Variants in IL1RAPL1 observed in about 807,000 individuals in gnomAD.
The protein encoded by IL1RAPL1 is interleukin 1 receptor accessory protein like 1.
IL1RAPL1 carries 3 observed loss-of-function variants against 48.4 expected under a neutral mutation model. The ratio of observed to expected loss-of-function variants is 0.06; its 90% CI spans 0.03 to 0.16. IL1RAPL1 has a LOEUF of 0.16. Among genes scored for constraint, IL1RAPL1 ranks in the 10% least tolerant of loss-of-function variants. IL1RAPL1 has a pLI of 1.00. For missense variants in IL1RAPL1, 349 were observed against 530.6 expected (o/e 0.66, Z 3.36); for synonymous variants, 185 against 187.7 (o/e 0.99, Z 0.12).
chrX:29,752,920 A>G (rs1244966456), intron 6 of IL1RAPL1, among the ~76,000 whole-genome samples: 2 of 112,310 alleles, frequency 1.8e-5, no homozygotes, highest in Non-Finnish European at 3.8e-5. Context: ...AATAAAAACT[A>G]TCAATGTGTC....
At chrX:29,618,360 G>A (rs5972491) in intron 5 of IL1RAPL1, among the ~76,000 whole-genome samples, 40,192 of 110,446 alleles carry the variant, frequency 0.36, 5,666 homozygotes, top group African/African-American at 0.52. Flanking sequence ...AATCCTAGAT[G>A]GATTAGTTTC....
intron 2 of IL1RAPL1, among the ~76,000 whole-genome samples, chrX:28,823,503 C>G (rs778283977): frequency 9.0e-5 from 10 of 110,970 alleles, no homozygotes; most frequent in African/African-American, 3.3e-4. Context: ...TATGATAACT[C>G]TTAGTATATT....
At chrX:29,216,123 G>A (rs1930862232) in intron 2 of IL1RAPL1, among the ~76,000 whole-genome samples, 1 of 111,901 alleles carries the variant, frequency 8.9e-6, no homozygotes, top group Admixed American at 9.5e-5. Context: ...GTTAGTCAAC[G>A]AAATTGGACT....
chrX:28,707,294 T>C (rs1034933869), intron 1 of IL1RAPL1, among the ~76,000 whole-genome samples: 2 of 112,153 alleles, frequency 1.8e-5, no homozygotes, highest in African/African-American at 6.5e-5. Flanking sequence ...GGATGAGAAA[T>C]GGTAAATAAA....
chrX:29,802,597 T>C (rs1002901421), intron 6 of IL1RAPL1, among the ~76,000 whole-genome samples: 6 of 63,708 alleles, frequency 9.4e-5, no homozygotes, highest in Non-Finnish European at 2.1e-4. Context: ...TCACTCTCAG[T>C]TTCTATACTT....
intron 5 of IL1RAPL1, among the ~76,000 whole-genome samples, chrX:29,511,572 AC>A: frequency 8.9e-6 from 1 of 112,008 alleles, no homozygotes; most frequent in Non-Finnish European, 1.9e-5. Context: ...TATATTTCTT[AC>A]CAAGTTTTTG....
At chrX:29,079,371 A>G (rs1303640321) in intron 2 of IL1RAPL1, among the ~76,000 whole-genome samples, 1 of 111,602 alleles carries the variant, frequency 9.0e-6, no homozygotes, top group East Asian at 2.8e-4. Context: ...TCTAACAGGC[A>G]GAGGTAATCA....
intron 5 of IL1RAPL1, among the ~76,000 whole-genome samples, chrX:29,544,783 G>A (rs752816970): frequency 2.8e-5 from 3 of 109,066 alleles, no homozygotes; most frequent in African/African-American, 1.0e-4. Context: ...TTGTGTGATA[G>A]GGTGAATTGT....
chrX:28,811,499 G>A (rs1312737303), intron 2 of IL1RAPL1, among the ~76,000 whole-genome samples: 1 of 110,610 alleles, frequency 9.0e-6, no homozygotes, highest in Non-Finnish European at 1.9e-5. Context: ...TTAGATGGTT[G>A]AATGAAGATG....
chrX:29,002,618 A>G (rs1925882380), intron 2 of IL1RAPL1, among the ~76,000 whole-genome samples: 1 of 111,204 alleles, frequency 9.0e-6, no homozygotes, highest in Non-Finnish European at 1.9e-5. Context: ...GTTTTTACTT[A>G]AGAGTTTTAA....
At position 29,720,297 on chromosome X, in the gene IL1RAPL1, T is replaced by C. The variant is rs186444525; in HGVS notation, c.778+51793T>C. On this transcript the variant is annotated intron_variant, in intron 6 of 10. Transcript: ENST00000378993. The stretch of plus-strand genomic sequence containing the variant: ...TAAATTATTCTACTATAAAGACACA[T>C]GCACATGTATGTTTACTGCAGCACT... Among the ~76,000 whole-genome samples, 26 of 111,911 alleles carry C rather than the reference T, an allele frequency of 2.3e-4. No individual in the cohort carries two copies. The Admixed American group carries it at 2.4e-3, about 10-fold the overall frequency.
At chrX:29,741,988 C>T (rs1928220285) in intron 6 of IL1RAPL1, among the ~76,000 whole-genome samples, 1 of 100,520 alleles carries the variant, frequency 9.9e-6, no homozygotes, top group African/African-American at 3.7e-5. Flanking sequence ...TGACCATATA[C>T]GATCTCTTAA....
At chrX:29,783,686 TTAAG>T (rs1314414827) in intron 6 of IL1RAPL1, among the ~76,000 whole-genome samples, 3 of 112,069 alleles carry the variant, frequency 2.7e-5, no homozygotes, top group African/African-American at 6.5e-5. Context: ...CAAATGTTAA[TTAAG>T]TATTTGAACC....
chrX:29,471,052 CAA>C (rs1934915132), intron 5 of IL1RAPL1, among the ~76,000 whole-genome samples: 1 of 111,313 alleles, frequency 9.0e-6, no homozygotes, highest in African/African-American at 3.3e-5. Flanking sequence ...ACCTGTTCAC[CAA>C]AAAGTGACTG....
intron 6 of IL1RAPL1, among the ~76,000 whole-genome samples, chrX:29,704,630 C>T (rs1403532979): frequency 1.8e-5 from 2 of 111,220 alleles, no homozygotes; most frequent in Non-Finnish European, 3.8e-5. Flanking sequence ...GATGGCGCCA[C>T]TGCACTCCAG....
At chrX:29,107,583 G>A (rs1928473392) in intron 2 of IL1RAPL1, among the ~76,000 whole-genome samples, 1 of 111,620 alleles carries the variant, frequency 9.0e-6, no homozygotes, top group African/African-American at 3.3e-5. Flanking sequence ...ACAGCAGCAA[G>A]CTTGAACCTT....
Position 29,821,806 on chromosome X carries a change from C to A in IL1RAPL1, c.779-95658C>A, listed in dbSNP as rs755641381. 2.7e-5 allele frequency among the ~76,000 whole-genome samples: 3 copies of A among 112,513 alleles called. No homozygotes were observed. In the South Asian group the frequency reaches 1.1e-3, roughly 42 times the overall value. On this transcript the variant is annotated intron_variant, in intron 6 of 10. Coordinates refer to ENST00000378993, the MANE Select transcript of IL1RAPL1 (RefSeq NM_014271.4). The stretch of plus-strand genomic sequence containing the variant: ...AAACTGGGACAGGCATAATCCTGAA[C>A]CTTAATCATTTTATTCTTAGTGCTT...
At chrX:28,923,265 C>T (rs1459026973) in intron 2 of IL1RAPL1, among the ~76,000 whole-genome samples, 3 of 110,258 alleles carry the variant, frequency 2.7e-5, no homozygotes, top group Non-Finnish European at 5.7e-5. Context: ...CAACCTCTGC[C>T]TCCCGGGTTC....
intron 2 of IL1RAPL1, among the ~76,000 whole-genome samples, chrX:28,917,708 A>G (rs1336677713): frequency 1.8e-5 from 2 of 112,338 alleles, no homozygotes; most frequent in Admixed American, 9.5e-5. Flanking sequence ...GTGTTTCTAG[A>G]TGGATATGTG....
Sources: allele counts gnomAD v4.1 joint callset (sites outside exome capture counted in the v4.1 genomes callset), GRCh38; gene constraint gnomAD v4.1.1; transcripts MANE v1.5; gene names NCBI Gene and HGNC (gene_info 2026-07-23, HGNC 2026-07-21).